INPP4B: variants seen among roughly 807,000 people sequenced by gnomAD.
INPP4B encodes the protein inositol polyphosphate-4-phosphatase type II B.
A neutral mutation model predicts 122.5 loss-of-function variants in INPP4B; 55 were observed. That is an observed-to-expected ratio of 0.45 (90% CI 0.36 to 0.56). INPP4B has a LOEUF of 0.56. INPP4B is among the 20% of genes least tolerant of loss of function. The probability of loss-of-function intolerance (pLI) is 0.00; values close to 1 mark genes in which losing one functional copy is unlikely to be tolerated. For synonymous variants in INPP4B, 403 were observed against 388.7 expected (o/e 1.04, Z -0.43); for missense variants, 1,000 against 1,097.7 (o/e 0.91, Z 1.26).
At chr4:142,183,563 A>G (rs967951612) in intron 15 of INPP4B, among the ~76,000 whole-genome samples, 4 of 2,154 alleles carry the variant, frequency 1.9e-3, no homozygotes, top group Non-Finnish European at 0.018. Context: ...ATTTATTTAT[A>G]GATGACTTTT....
At chr4:142,626,651 T>C (rs894768303) in intron 2 of INPP4B, among the ~76,000 whole-genome samples, 1 of 152,016 alleles carries the variant, frequency 6.6e-6, no homozygotes, top group African/African-American at 2.4e-5. Context: ...ACACCCAGAC[T>C]TCTCACCTAT....
intron 7 of INPP4B, among the ~76,000 whole-genome samples, chr4:142,389,268 A>G (rs1212031340): frequency 6.6e-6 from 1 of 150,948 alleles, no homozygotes. Context: ...AAAAAAAAAA[A>G]GAAACTTAGA....
intron 5 of INPP4B, among the ~76,000 whole-genome samples, chr4:142,422,162 C>T (rs1221932416): frequency 3.9e-5 from 6 of 151,952 alleles, no homozygotes; most frequent in Non-Finnish European, 8.8e-5. Flanking sequence ...ACTACTTTAC[C>T]AGTTTAATTC....
At chr4:142,516,447 G>T (rs1234784565) in intron 2 of INPP4B, among the ~76,000 whole-genome samples, 1 of 152,096 alleles carries the variant, frequency 6.6e-6, no homozygotes, top group Non-Finnish European at 1.5e-5. Flanking sequence ...AACCCTGTCA[G>T]CTTAGCCCCA....
intron 5 of INPP4B, among the ~76,000 whole-genome samples, chr4:142,408,134 C>T (rs541327475): frequency 2.0e-5 from 3 of 152,148 alleles, no homozygotes; most frequent in Admixed American, 6.5e-5. Context: ...TCCCACCAGA[C>T]GGCTGATAAA....
At chr4:142,756,572 C>A (rs923959124) in intron 1 of INPP4B, among the ~76,000 whole-genome samples, 3 of 151,966 alleles carry the variant, frequency 2.0e-5, no homozygotes, top group Non-Finnish European at 4.4e-5. Flanking sequence ...CAGCTCCAAA[C>A]TCTGTGGGCA....
intron 2 of INPP4B, among the ~76,000 whole-genome samples, chr4:142,678,848 T>C (rs1758180925): frequency 6.6e-6 from 1 of 151,920 alleles, no homozygotes; most frequent in Non-Finnish European, 1.5e-5. Flanking sequence ...GTGTTTTTTT[T>C]TCCTTTAGCT....
At chr4:142,135,143 T>C (rs7697702) in intron 18 of INPP4B, among the ~76,000 whole-genome samples, 17,700 of 152,234 alleles carry the variant, frequency 0.12, 1,604 homozygotes, top group African/African-American at 0.25. Context: ...TCAACAGCAA[T>C]GGTAGATCCA....
intron 2 of INPP4B, among the ~76,000 whole-genome samples, chr4:142,580,237 G>A (rs1206632054): frequency 6.6e-6 from 1 of 151,812 alleles, no homozygotes; most frequent in Non-Finnish European, 1.5e-5. Flanking sequence ...CCACTTACTA[G>A]TTGTGCTAGC....
intron 18 of INPP4B, among the ~76,000 whole-genome samples, chr4:142,125,011 C>T (rs1034696335): frequency 1.3e-5 from 2 of 152,128 alleles, no homozygotes; most frequent in Admixed American, 6.6e-5. Context: ...CTCTTCTCTG[C>T]TCATCTCTAA....
chr4:142,500,418 C>A (rs933564665), intron 2 of INPP4B, among the ~76,000 whole-genome samples: 2 of 152,154 alleles, frequency 1.3e-5, no homozygotes, highest in Non-Finnish European at 2.9e-5. Context: ...CCTGTAAATT[C>A]TTTCTCTACT....
intron 9 of INPP4B, among the ~76,000 whole-genome samples, chr4:142,281,230 T>C (rs1216662542): frequency 1.3e-5 from 2 of 151,352 alleles, no homozygotes; most frequent in Non-Finnish European, 3.0e-5. Context: ...TTATAGGAGG[T>C]TATAGATAGA....
chr4:142,229,173 A>G (rs1250808109), intron 12 of INPP4B, among the ~76,000 whole-genome samples: 4 of 151,700 alleles, frequency 2.6e-5, no homozygotes. Context: ...ATATTGATGT[A>G]TAATATAAAT....
chr4:142,477,043 G>T (rs922158906), intron 2 of INPP4B, among the ~76,000 whole-genome samples: 30 of 152,102 alleles, frequency 2.0e-4, no homozygotes, highest in Non-Finnish European at 3.8e-4. Context: ...CCACACAATT[G>T]GTGATAAACC....
In INPP4B at chr4:142,284,846, C is replaced by T. The variant is rs146490961; in HGVS notation, c.504-14072G>A. Among the ~76,000 whole-genome samples, 439 of 152,108 alleles carry T rather than the reference C, an allele frequency of 2.9e-3. 5 individuals are homozygous for T. Among genetic ancestry groups the T allele is most frequent in the African/African-American group, 8.6e-3 (356 of 41,488 alleles). On this transcript the variant is annotated intron_variant, in intron 9 of 25. Coordinates refer to ENST00000262992, the MANE Select transcript of INPP4B (RefSeq NM_001101669.3). The stretch of plus-strand genomic sequence containing the variant: ...GCAATACAAGTGTGAAATAGGTATG[C>T]GAAACTCTGGGCTTAGCCACAGTTT...
At chr4:142,371,161 G>A (rs1428260864) in intron 7 of INPP4B, among the ~76,000 whole-genome samples, 1 of 151,984 alleles carries the variant, frequency 6.6e-6, no homozygotes, top group Non-Finnish European at 1.5e-5. Flanking sequence ...TACCAAAAAT[G>A]TACACTAGGG....
At chr4:142,055,304 G>A (rs1170753237) in intron 25 of INPP4B, among the ~76,000 whole-genome samples, 1 of 152,062 alleles carries the variant, frequency 6.6e-6, no homozygotes, top group Non-Finnish European at 1.5e-5. Flanking sequence ...CCTGAAAAGA[G>A]ATGGAAACAC....
chr4:142,332,128 A>T (rs1330268741), intron 7 of INPP4B, among the ~76,000 whole-genome samples: 1 of 152,242 alleles, frequency 6.6e-6, no homozygotes, highest in Non-Finnish European at 1.5e-5. Flanking sequence ...TTTTTAGTAC[A>T]GCTGTCTTGC....
intron 1 of INPP4B, among the ~76,000 whole-genome samples, chr4:142,839,198 C>T (rs186029848): frequency 3.0e-4 from 45 of 152,314 alleles, no homozygotes; most frequent in African/African-American, 1.1e-3. Context: ...AGGCTCATGC[C>T]TGTAGTCCCA....
Sources: gnomAD v4.1 joint callset for allele counts (sites outside exome capture counted in the v4.1 genomes callset) on GRCh38, gnomAD v4.1.1 for gene constraint, MANE v1.5 for transcripts, NCBI Gene and HGNC (gene_info 2026-07-23, HGNC 2026-07-21) for gene names.